The following OXCT1 variants were observed in gnomAD, a reference collection of about 807,000 sequenced individuals.
OXCT1 encodes succinyl-CoA:3-ketoacid coenzyme A transferase 1, mitochondrial.
A neutral mutation model predicts 69.6 loss-of-function variants in OXCT1; 27 were observed. That is an observed-to-expected ratio of 0.39 (90% confidence interval 0.29 to 0.54). OXCT1 has a LOEUF of 0.54. Among genes scored for constraint, OXCT1 ranks in the 20% least tolerant of loss-of-function variants. OXCT1 has a pLI of 0.72. For synonymous variants in OXCT1, 202 were observed against 217.8 expected (o/e 0.93, Z 0.64); for missense variants, 437 against 650.2 (o/e 0.67, Z 3.57).
At chr5:41,745,448 A>C (rs1743427137) in intron 15 of OXCT1, among the ~76,000 whole-genome samples, 1 of 152,212 alleles carries the variant, frequency 6.6e-6, no homozygotes, top group Non-Finnish European at 1.5e-5. Context: ...AAGAGAAAGC[A>C]GGAAAGATCT....
intron 15 of OXCT1, among the ~76,000 whole-genome samples, chr5:41,747,641 C>T (rs1355046686): frequency 1.3e-5 from 2 of 151,958 alleles, no homozygotes; most frequent in Non-Finnish European, 2.9e-5. Context: ...AAGAATGTTC[C>T]AGACAGAGAA....
intron 11 of OXCT1, among the ~76,000 whole-genome samples, chr5:41,798,646 TAA>T (rs1467716955): frequency 6.6e-6 from 1 of 152,216 alleles, no homozygotes; most frequent in Non-Finnish European, 1.5e-5. Flanking sequence ...AATCAAAAGT[TAA>T]GTCATTTAAA....
intron 3 of OXCT1, among the ~76,000 whole-genome samples, chr5:41,857,752 A>G (rs551780458): frequency 2.4e-4 from 37 of 152,258 alleles, no homozygotes; most frequent in African/African-American, 7.9e-4. Context: ...TTTTTCCCTC[A>G]TCCCTGACCA....
chr5:41,865,971 T>C (rs1749947795), intron 1 of OXCT1, among the ~76,000 whole-genome samples: 1 of 150,530 alleles, frequency 6.6e-6, no homozygotes, highest in Non-Finnish European at 1.5e-5. Context: ...TTTATGCAGG[T>C]AACAAATGTA....
intron 14 of OXCT1, among the ~76,000 whole-genome samples, chr5:41,752,649 A>G (rs1402787360): frequency 6.6e-6 from 1 of 152,124 alleles, no homozygotes; most frequent in Non-Finnish European, 1.5e-5. Flanking sequence ...GCTACTCAGG[A>G]GGCCAAGGTA....
intron 6 of OXCT1, among the ~76,000 whole-genome samples, chr5:41,842,356 T>C (rs1477771208): frequency 6.6e-6 from 1 of 152,208 alleles, no homozygotes. Context: ...TAAAATTGTA[T>C]GATGTCACAT....
At chr5:41,767,616 A>G (rs770373923) in intron 13 of OXCT1, among the ~76,000 whole-genome samples, 43 of 149,836 alleles carry the variant, frequency 2.9e-4, no homozygotes, top group Non-Finnish European at 6.1e-4. Flanking sequence ...GTGCCCTTGA[A>G]GTGAGAACTC....
chr5:41,821,538 G>A (rs1016770504), intron 7 of OXCT1, among the ~76,000 whole-genome samples: 3 of 152,180 alleles, frequency 2.0e-5, no homozygotes, highest in South Asian at 2.1e-4. Context: ...ACCAAACTGC[G>A]AAAGAAGCTG....
chr5:41,801,800 A>G (rs545308819), intron 10 of OXCT1, among the ~76,000 whole-genome samples: 1 of 152,206 alleles, frequency 6.6e-6, no homozygotes, highest in South Asian at 2.1e-4. Flanking sequence ...AAATTTTTCC[A>G]TATATTTTTA....
At chr5:41,800,208 G>T (rs575170603) in intron 11 of OXCT1, among the ~76,000 whole-genome samples, 1 of 152,182 alleles carries the variant, frequency 6.6e-6, no homozygotes, top group Admixed American at 6.5e-5. Context: ...GCATATGCCT[G>T]TAAGAACAAA....
intron 14 of OXCT1, among the ~76,000 whole-genome samples, chr5:41,752,437 A>G (rs918668874): frequency 1.3e-5 from 2 of 152,098 alleles, no homozygotes; most frequent in Non-Finnish European, 2.9e-5. Flanking sequence ...AAGGCAGAGA[A>G]ATAGATACAA....
intron 16 of OXCT1, among the ~76,000 whole-genome samples, chr5:41,736,764 G>A (rs538797974): frequency 2.0e-5 from 3 of 151,986 alleles, no homozygotes; most frequent in African/African-American, 7.2e-5. Flanking sequence ...TTTTCTTTAT[G>A]AGGCAACACT....
At position 41,738,532 on chromosome 5, in the gene OXCT1, T is replaced by A. The variant is rs556126508; in HGVS notation, c.1521+858A>T. 5.3e-5 allele frequency among the ~76,000 whole-genome samples: 8 copies of A among 152,316 alleles called. No individual in the cohort carries two copies. The South Asian group carries it at 1.7e-3, about 32-fold the overall frequency. ...CACCTTCTGCCATGATTGTGAGGCC[T>A]CCCCAGCCATGTGGACCTGAGTCCA... is the stretch of plus-strand genomic sequence containing the variant. On this transcript the variant is annotated intron_variant, in intron 16 of 16. Coordinates refer to ENST00000196371, the MANE Select transcript of OXCT1 (RefSeq NM_000436.4).
At chr5:41,770,882 T>C (rs1352017616) in intron 13 of OXCT1, among the ~76,000 whole-genome samples, 1 of 152,152 alleles carries the variant, frequency 6.6e-6, no homozygotes, top group Non-Finnish European at 1.5e-5. Flanking sequence ...TATTTGAAAA[T>C]AAAAAATTAC....
intron 12 of OXCT1, 45 bp from the exon 13 acceptor site, chr5:41,794,123 GT>G (rs1746061717): frequency 6.9e-7 from 1 of 1,448,862 alleles, no homozygotes; most frequent in South Asian, 1.1e-5. Context: ...ATAAGCTTTT[GT>G]CCCCTTTGCT....
rs535928099 is a variant in OXCT1, at chr5:41,863,026, G to A, written c.79-276C>T. ...AGGTCTGTCACCCCAGGAAAGTACG[G>A]TACAATAAGATTTGAGAGACAGAAT... On this transcript the variant is annotated intron_variant, in intron 1 of 16. Transcript: ENST00000196371. Among the ~76,000 whole-genome samples the A allele has an allele frequency of 1.1e-4, 17 of 151,794 alleles. No individual in the cohort carries two copies. In the East Asian group the frequency reaches 2.7e-3, roughly 24 times the overall value.
intron 13 of OXCT1, among the ~76,000 whole-genome samples, chr5:41,771,797 T>C (rs1034732094): frequency 6.6e-6 from 1 of 152,196 alleles, no homozygotes; most frequent in Non-Finnish European, 1.5e-5. Context: ...AAATTACATA[T>C]TTAAAAATCC....
intron 7 of OXCT1, among the ~76,000 whole-genome samples, chr5:41,839,672 G>C (rs1000622613): frequency 6.6e-6 from 1 of 152,126 alleles, no homozygotes; most frequent in Admixed American, 6.5e-5. Flanking sequence ...TTGTAAAAAT[G>C]AATCAAAAGA....
chr5:41,825,947 T>C (rs1260370110), intron 7 of OXCT1, among the ~76,000 whole-genome samples: 1 of 152,202 alleles, frequency 6.6e-6, no homozygotes, highest in Non-Finnish European at 1.5e-5. Context: ...AACCAAAATA[T>C]GTGAATCTTT....
Sources: allele counts gnomAD v4.1 joint callset (sites outside exome capture counted in the v4.1 genomes callset), GRCh38; gene constraint gnomAD v4.1.1; transcripts MANE v1.5; gene names NCBI Gene and HGNC (gene_info 2026-07-23, HGNC 2026-07-21).